The following MERTK variants were observed in gnomAD, a reference collection of about 807,000 sequenced individuals.
MERTK encodes the protein MER proto-oncogene, tyrosine kinase.
A neutral mutation model predicts 99.3 loss-of-function variants in MERTK; 69 were observed. The observed-to-expected ratio is 0.70, with a 90% CI of 0.57 to 0.85. MERTK has a LOEUF of 0.85. Among genes scored for constraint, MERTK ranks in the 40% least tolerant of loss-of-function variants. MERTK has a pLI of 0.00. For missense variants in MERTK, 1,125 were observed against 1,249.4 expected (o/e 0.90, Z 1.50); for synonymous variants, 426 against 467.6 (o/e 0.91, Z 1.15).
intron 8 of MERTK, among the ~76,000 whole-genome samples, chr2:111,993,757 A>G (rs1375411232): frequency 1.3e-5 from 2 of 152,202 alleles, no homozygotes; most frequent in Non-Finnish European, 2.9e-5. Flanking sequence ...TCACACTGAA[A>G]GAAAAAAAAA....
intron 2 of MERTK, among the ~76,000 whole-genome samples, chr2:111,932,669 A>ATGG (rs1684695604): frequency 6.6e-6 from 1 of 152,240 alleles, no homozygotes; most frequent in East Asian, 1.9e-4. Flanking sequence ...ACAGTTAAAG[A>ATGG]TGGGTTTATT....
chr2:111,956,664 T>C (rs2104713422), intron 4 of MERTK, among the ~76,000 whole-genome samples: 1 of 152,252 alleles, frequency 6.6e-6, no homozygotes. Flanking sequence ...GGCAGTTTTG[T>C]TGTTGTTGTG....
intron 1 of MERTK, among the ~76,000 whole-genome samples, chr2:111,921,268 G>A (rs1204656569): frequency 1.3e-5 from 2 of 152,136 alleles, no homozygotes; most frequent in Non-Finnish European, 2.9e-5. Flanking sequence ...GGGAGGTGAA[G>A]GCGGGCAGAT....
In MERTK at chr2:111,935,002, G is replaced by C. The variant is rs146294289; in HGVS notation, c.482+5462G>C. Among the ~76,000 whole-genome samples, 7 of 152,152 alleles carry C rather than the reference G, an allele frequency of 4.6e-5. No individual in the cohort carries two copies. In the East Asian group the frequency reaches 1.4e-3, roughly 29 times the overall value. On this transcript the variant is annotated intron_variant, in intron 2 of 18. Coordinates refer to ENST00000295408, the MANE Select transcript of MERTK (RefSeq NM_006343.3). ...CCATTGCTCTTACACCCTCTTTCCC[G>C]TAGTGGCCCCTGCTGTTATATAGCT...
chr2:112,021,293 T>C (rs1677341678), intron 16 of MERTK, 129 bp from the exon 17 acceptor site: 3 of 1,343,850 alleles, frequency 2.2e-6, no homozygotes, highest in South Asian at 1.2e-5. Context: ...TGCAGCATGC[T>C]CACAGGCTGG....
chr2:111,962,847 G>A (rs1374189658), intron 4 of MERTK, among the ~76,000 whole-genome samples: 1 of 152,142 alleles, frequency 6.6e-6, no homozygotes, highest in Non-Finnish European at 1.5e-5. Context: ...TGACAGTGAA[G>A]GGGTGGGTTG....
intron 2 of MERTK, among the ~76,000 whole-genome samples, chr2:111,943,848 T>A (rs193165564): frequency 6.6e-6 from 1 of 152,142 alleles, no homozygotes; most frequent in Non-Finnish European, 1.5e-5. Flanking sequence ...TCTCAGGAGG[T>A]CATTTGGGAT....
At chr2:111,976,492 G>A (rs1425140248) in intron 7 of MERTK, among the ~76,000 whole-genome samples, 2 of 151,540 alleles carry the variant, frequency 1.3e-5, no homozygotes, top group African/African-American at 4.9e-5. Flanking sequence ...AGGGCTATGG[G>A]AGTTGTAAGC....
chr2:111,945,700 A>C (rs1425252561), intron 3 of MERTK, among the ~76,000 whole-genome samples: 1 of 152,212 alleles, frequency 6.6e-6, no homozygotes, highest in Non-Finnish European at 1.5e-5. Context: ...GAGCTGATGC[A>C]CAGGTGAACC....
chr2:111,925,298 T>A (rs1322648506), intron 1 of MERTK, among the ~76,000 whole-genome samples: 199 of 55,786 alleles, frequency 3.6e-3, no homozygotes, highest in African/African-American at 7.3e-3. Context: ...ATATATTTTT[T>A]TTTTTTTTTT....
intron 18 of MERTK, among the ~76,000 whole-genome samples, chr2:112,027,298 G>C (rs1327872489): frequency 2.8e-5 from 4 of 145,444 alleles, no homozygotes; most frequent in Non-Finnish European, 4.5e-5. Context: ...GTGTGTATAT[G>C]TGTGTGTGTG....
chr2:111,955,705 T>C (rs1010883732), intron 4 of MERTK, among the ~76,000 whole-genome samples: 1 of 152,204 alleles, frequency 6.6e-6, no homozygotes. Context: ...GTGAAGGATG[T>C]ACAGTAACTC....
intron 1 of MERTK, among the ~76,000 whole-genome samples, chr2:111,918,770 G>A (rs1410182892): frequency 1.3e-5 from 2 of 152,174 alleles, no homozygotes; most frequent in Non-Finnish European, 2.9e-5. Context: ...GCCATTTATT[G>A]CATGTCTGTG....
rs565918118 is a variant in MERTK, at chr2:112,009,530, C to T, written c.1961-418C>T. The stretch of plus-strand genomic sequence containing the variant: ...ATCTATCACATGAAACTAGTTCGCC[C>T]TAGTTCAATACTAGTTCAGTATTGA... On this transcript the variant is annotated intron_variant, in intron 14 of 18. Transcript: ENST00000295408. Among the ~76,000 whole-genome samples the T allele has an allele frequency of 2.6e-5, 4 of 152,322 alleles. No individual in the cohort carries two copies. In the East Asian group the frequency reaches 7.7e-4, roughly 29 times the overall value.
At chr2:111,944,901 C>G (rs1242391762) in intron 2 of MERTK, 59 bp from the exon 3 acceptor site, 45 of 1,395,270 alleles carry the variant, frequency 3.2e-5, no homozygotes, top group Non-Finnish European at 4.3e-5. Flanking sequence ...AGTTTCCATC[C>G]TATAATAGGA....
chr2:111,940,335 C>T, intron 2 of MERTK: 1 of 512,680 alleles, frequency 2.0e-6, no homozygotes, highest in Non-Finnish European at 3.9e-6. Flanking sequence ...TGTGGTCTGT[C>T]CTTGCATCAG....
chr2:112,018,688 G>C (rs1036255881), intron 15 of MERTK, among the ~76,000 whole-genome samples: 1 of 152,160 alleles, frequency 6.6e-6, no homozygotes, highest in Non-Finnish European at 1.5e-5. Context: ...TTACTACATG[G>C]AAGTTTTATC....
chr2:111,967,663 C>T (rs867824302), intron 5 of MERTK, among the ~76,000 whole-genome samples: 1 of 152,138 alleles, frequency 6.6e-6, no homozygotes, highest in Admixed American at 6.5e-5. Flanking sequence ...CATGCGTGCA[C>T]ACACTCTCCT....
At position 112,022,288 on chromosome 2, in the gene MERTK, G is replaced by T. The variant is rs1677367716; in HGVS notation, c.2380G>T (p.Ala794Ser). Reference sequence around the variant, plus strand: ...ATTTGGCGTGACCATGTGGGAAATAGCTACGCGGGGAATGACTCCCTATCC... The same window carrying T: ...ATTTGGCGTGACCATGTGGGAAATATCTACGCGGGGAATGACTCCCTATCC... ...WAFGVTMWEI[A>S]TRGMTPYPGV... The change falls in exon 18 of 19, where the codon GCT becomes TCT. Residue 794 changes from alanine to serine, a missense_variant. Coordinates refer to ENST00000295408, the MANE Select transcript of MERTK (RefSeq NM_006343.3). 4 of 1,614,238 alleles carry T rather than the reference G, an allele frequency of 2.5e-6. No individual in the cohort carries two copies. In the East Asian group the frequency reaches 6.7e-5, roughly 27 times the overall value.
Sources: gnomAD v4.1 joint callset for allele counts (sites outside exome capture counted in the v4.1 genomes callset) on GRCh38, gnomAD v4.1.1 for gene constraint, MANE v1.5 for transcripts, NCBI Gene and HGNC (gene_info 2026-07-23, HGNC 2026-07-21) for gene names.